UBE2E2: variants seen among roughly 807,000 people sequenced by gnomAD.
UBE2E2 encodes ubiquitin conjugating enzyme E2 E2.
UBE2E2 carries 6 observed loss-of-function variants against 24.7 expected under a neutral mutation model. The ratio of observed to expected loss-of-function variants is 0.24; its 90% confidence interval spans 0.13 to 0.48. The LOEUF (loss-of-function observed/expected upper bound fraction) is 0.48. Ranked by LOEUF, UBE2E2 falls within the 20% of genes least tolerant of loss-of-function variation. The pLI, the probability that UBE2E2 is intolerant of heterozygous loss-of-function variation, is 0.99. For missense variants in UBE2E2, 169 were observed against 245.0 expected (o/e 0.69, Z 2.07); for synonymous variants, 104 against 83.6 (o/e 1.24, Z -1.33).
At chr3:23,577,287 A>G (rs1417295582) in intron 5 of UBE2E2, among the ~76,000 whole-genome samples, 1 of 151,894 alleles carries the variant, frequency 6.6e-6, no homozygotes. Context: ...AAAAGTTCTT[A>G]AAGAAAATAC....
chr3:23,230,279 G>A (rs573709339), intron 3 of UBE2E2, among the ~76,000 whole-genome samples: 4 of 152,146 alleles, frequency 2.6e-5, no homozygotes, highest in Non-Finnish European at 5.9e-5. Flanking sequence ...AAAGTTTATG[G>A]TTCAGCAGTG....
chr3:23,229,241 G>A (rs1043285780), intron 3 of UBE2E2, among the ~76,000 whole-genome samples: 1 of 152,100 alleles, frequency 6.6e-6, no homozygotes, highest in African/African-American at 2.4e-5. Context: ...GCATTATCTC[G>A]TGTAATCTTT....
At chr3:23,248,978 G>C (rs1174033649) in intron 3 of UBE2E2, among the ~76,000 whole-genome samples, 1 of 152,112 alleles carries the variant, frequency 6.6e-6, no homozygotes, top group Non-Finnish European at 1.5e-5. Context: ...ACTACCTTAG[G>C]ACCTTATTCT....
chr3:23,352,476 T>G lies in UBE2E2; in HGVS notation c.227+135164T>G, dbSNP rs574113002. On this transcript the variant is annotated intron_variant, in intron 3 of 5. Coordinates refer to ENST00000396703, the MANE Select transcript of UBE2E2 (RefSeq NM_152653.4). ...TTTTTGAAAGGATCAACAAAATTGT[T>G]AGACCGCTAGCAAGACTAATAAAGA... is the stretch of plus-strand genomic sequence containing the variant. 3.3e-5 allele frequency among the ~76,000 whole-genome samples: 5 copies of G among 152,172 alleles called. No individual in the cohort carries two copies. The East Asian group carries it at 9.6e-4, about 29-fold the overall frequency.
At chr3:23,574,303 A>T (rs1417371609) in intron 5 of UBE2E2, among the ~76,000 whole-genome samples, 1 of 152,168 alleles carries the variant, frequency 6.6e-6, no homozygotes, top group Non-Finnish European at 1.5e-5. Flanking sequence ...AAAAAGACCT[A>T]GTGTTTGCTA....
At chr3:23,570,201 A>G (rs887328482) in intron 5 of UBE2E2, among the ~76,000 whole-genome samples, 4 of 152,160 alleles carry the variant, frequency 2.6e-5, no homozygotes, top group African/African-American at 9.7e-5. Context: ...GGGATAGGTA[A>G]TAAGTGAGAA....
rs886601780 is a variant in UBE2E2 at position 23,561,723 on chromosome 3, G to T, written c.509-28011G>T. Among the ~76,000 whole-genome samples the T allele has an allele frequency of 2.1e-3, 313 of 152,112 alleles. 1 individual carries two copies. Among genetic ancestry groups the T allele is most frequent in the Non-Finnish European group, 2.6e-3 (177 of 68,004 alleles). On this transcript the variant is annotated intron_variant, in intron 5 of 5. Coordinates refer to ENST00000396703, the MANE Select transcript of UBE2E2 (RefSeq NM_152653.4). ...CCATGAGCATGGAATGTTCTTCCAT[G>T]TGTTTGTGTCCTCTTTTATTTCATT...
intron 2 of UBE2E2, among the ~76,000 whole-genome samples, chr3:23,211,199 G>A (rs1443480394): frequency 6.6e-6 from 1 of 152,070 alleles, no homozygotes; most frequent in African/African-American, 2.4e-5. Context: ...TAGTACTAGT[G>A]TGTTCAGAAG....
rs562330491 is a variant in UBE2E2, at chr3:23,222,853, C to T, written c.227+5541C>T. Among the ~76,000 whole-genome samples, 9 of 152,156 alleles carry T rather than the reference C, an allele frequency of 5.9e-5. No individual in the cohort carries two copies. The South Asian group carries it at 1.0e-3, about 18-fold the overall frequency. On this transcript the variant is annotated intron_variant, in intron 3 of 5. Coordinates refer to ENST00000396703, the MANE Select transcript of UBE2E2 (RefSeq NM_152653.4). ...CCCAACAACAGTGTACGAGCCTTCC[C>T]CTTTCTCCGCATCCTTGCCAGCATC...
At chr3:23,426,089 G>T (rs1466986396) in intron 3 of UBE2E2, among the ~76,000 whole-genome samples, 1 of 152,128 alleles carries the variant, frequency 6.6e-6, no homozygotes, top group Non-Finnish European at 1.5e-5. Context: ...GTGAAAAACA[G>T]TGAAATAAAA....
intron 5 of UBE2E2, among the ~76,000 whole-genome samples, chr3:23,550,774 C>T (rs1695624255): frequency 6.6e-6 from 1 of 152,054 alleles, no homozygotes; most frequent in African/African-American, 2.4e-5. Flanking sequence ...AGAAAGAAAC[C>T]AAAGAGAGAG....
intron 3 of UBE2E2, among the ~76,000 whole-genome samples, chr3:23,348,621 A>G (rs1317155574): frequency 6.6e-6 from 1 of 152,200 alleles, no homozygotes; most frequent in Non-Finnish European, 1.5e-5. Context: ...TGGTCAGTCC[A>G]TCCCATTTAG....
At chr3:23,519,316 A>G (rs996891705) in intron 4 of UBE2E2, among the ~76,000 whole-genome samples, 16 of 152,204 alleles carry the variant, frequency 1.1e-4, no homozygotes, top group Middle Eastern at 3.4e-3. Context: ...CTATTTTACA[A>G]TCTAATTCAA....
intron 3 of UBE2E2, among the ~76,000 whole-genome samples, chr3:23,359,342 C>T (rs750743089): frequency 2.0e-5 from 3 of 152,124 alleles, no homozygotes; most frequent in East Asian, 1.9e-4. Flanking sequence ...AAGAGTTGTA[C>T]TAGGCCTTCA....
intron 3 of UBE2E2, among the ~76,000 whole-genome samples, chr3:23,291,979 C>A (rs902273251): frequency 2.0e-5 from 3 of 151,402 alleles, no homozygotes; most frequent in African/African-American, 7.3e-5. Context: ...CTGCCTCAGC[C>A]TCCCGAGTAG....
At chr3:23,458,812 C>T (rs977912380) in intron 3 of UBE2E2, among the ~76,000 whole-genome samples, 4 of 152,130 alleles carry the variant, frequency 2.6e-5, no homozygotes, top group African/African-American at 9.7e-5. Flanking sequence ...TGAGCATGTA[C>T]TGCTGGAAAA....
chr3:23,492,580 A>G (rs1036006390), intron 3 of UBE2E2, among the ~76,000 whole-genome samples: 1 of 152,194 alleles, frequency 6.6e-6, no homozygotes, highest in Admixed American at 6.5e-5. Flanking sequence ...TTACCATTAA[A>G]AGTTTATTTT....
intron 3 of UBE2E2, among the ~76,000 whole-genome samples, chr3:23,429,482 T>G (rs1698004399): frequency 6.6e-6 from 1 of 152,102 alleles, no homozygotes; most frequent in African/African-American, 2.4e-5. Flanking sequence ...GGTTCAGCAT[T>G]CAAAATTTAA....
chr3:23,481,039 A>G (rs1175496909), intron 3 of UBE2E2, among the ~76,000 whole-genome samples: 4 of 152,234 alleles, frequency 2.6e-5, no homozygotes, highest in Admixed American at 1.3e-4. Flanking sequence ...ACATTTTAGC[A>G]AATATATGAA....
Sources: allele counts gnomAD v4.1 joint callset (sites outside exome capture counted in the v4.1 genomes callset), GRCh38; gene constraint gnomAD v4.1.1; transcripts MANE v1.5; gene names NCBI Gene and HGNC (gene_info 2026-07-23, HGNC 2026-07-21).